GPRASP3: variants seen among roughly 807,000 people sequenced by gnomAD.
GPRASP3 encodes G protein-coupled receptor associated sorting protein 3.
chrX:102,742,326 G>T, the GPRASP3 span, among the ~76,000 whole-genome samples: 8 of 110,700 alleles, frequency 7.2e-5, no homozygotes, highest in African/African-American at 9.9e-5. Context: ...CCAGTCGGGG[G>T]CGGGGTCGGG....
At chrX:102,731,171 T>C in the GPRASP3 span, among the ~76,000 whole-genome samples, 1 of 112,821 alleles carries the variant, frequency 8.9e-6, no homozygotes, top group African/African-American at 3.2e-5. Context: ...TACACCTAAG[T>C]GTTACCACTG....
the GPRASP3 span, among the ~76,000 whole-genome samples, chrX:102,735,403 CTTTTTTT>C: frequency 9.5e-5 from 9 of 94,493 alleles, no homozygotes; most frequent in African/African-American, 2.8e-4. Context: ...CACAGAATCT[CTTTTTTT>C]TTTTTTTTTT....
At chrX:102,747,922 G>A in the GPRASP3 span, 3 of 111,972 alleles carry the variant, frequency 2.7e-5, no homozygotes, top group Non-Finnish European at 3.8e-5. Context: ...GTAGGTTTAT[G>A]TGTGAGCACC....
the GPRASP3 span, among the ~76,000 whole-genome samples, chrX:102,732,826 C>T: frequency 9.0e-6 from 1 of 111,646 alleles, no homozygotes; most frequent in Non-Finnish European, 1.9e-5. Flanking sequence ...ACTGAGCTCA[C>T]CCATGGGTTT....
chrX:102,732,104 G>T, the GPRASP3 span, among the ~76,000 whole-genome samples: 1 of 111,590 alleles, frequency 9.0e-6, no homozygotes, highest in African/African-American at 3.3e-5. Flanking sequence ...CTAGTGGGTG[G>T]GGGGAGAGCC....
chrX:102,747,008 G>A, the GPRASP3 span, among the ~76,000 whole-genome samples: 1 of 111,833 alleles, frequency 8.9e-6, no homozygotes, highest in African/African-American at 3.3e-5. Context: ...TGTGGGTTCC[G>A]AGTAGAGGGG....
At chrX:102,750,734 G>A in the GPRASP3 span, 1 of 708,881 alleles carries the variant, frequency 1.4e-6, no homozygotes, top group Non-Finnish European at 2.0e-6. Context: ...TTAACACAGA[G>A]TCACCTGTGA....
the GPRASP3 span, among the ~76,000 whole-genome samples, chrX:102,746,976 GTAA>G: frequency 2.7e-5 from 3 of 112,028 alleles, no homozygotes; most frequent in African/African-American, 6.5e-5. Context: ...TCCACTTTAA[GTAA>G]TGTAATGATG....
chrX:102,749,744 C>T, the GPRASP3 span: 5 of 1,211,762 alleles, frequency 4.1e-6, no homozygotes, highest in Non-Finnish European at 5.6e-6. Context: ...ATTGTTCTGG[C>T]CTCCGCTGAA....
At chrX:102,722,263 G>C in the GPRASP3 span, among the ~76,000 whole-genome samples, 2 of 111,328 alleles carry the variant, frequency 1.8e-5, no homozygotes, top group Non-Finnish European at 3.8e-5. Context: ...AGGGCCCACA[G>C]AACTCAGGGA....
At chrX:102,753,073 A>G in the GPRASP3 span, 1 of 122,280 alleles carries the variant, frequency 8.2e-6, no homozygotes, top group Non-Finnish European at 1.9e-5. Context: ...GTGAGCCACC[A>G]TGCCCAGCCT....
the GPRASP3 span, among the ~76,000 whole-genome samples, chrX:102,733,624 G>T: frequency 9.3e-6 from 1 of 107,201 alleles, no homozygotes; most frequent in African/African-American, 3.3e-5. Flanking sequence ...AAAAACAAAG[G>T]ATCAGCAACA....
chrX:102,724,803 A>C, the GPRASP3 span, among the ~76,000 whole-genome samples: 6 of 108,708 alleles, frequency 5.5e-5, no homozygotes, highest in African/African-American at 1.7e-4. Flanking sequence ...AGCGGGTAGA[A>C]TCCTTCCTCA....
chrX:102,726,190 G>A, the GPRASP3 span, among the ~76,000 whole-genome samples: 1 of 111,957 alleles, frequency 8.9e-6, no homozygotes, highest in African/African-American at 3.2e-5. Flanking sequence ...GGAAGCTGAG[G>A]CACACATTGG....
At chrX:102,746,843 T>A in the GPRASP3 span, among the ~76,000 whole-genome samples, 2 of 112,666 alleles carry the variant, frequency 1.8e-5, no homozygotes, top group African/African-American at 6.4e-5. Flanking sequence ...GATCCCCACA[T>A]CCAGTTTTGT....
At chrX:102,736,637 C>A in the GPRASP3 span, among the ~76,000 whole-genome samples, 2 of 111,230 alleles carry the variant, frequency 1.8e-5, no homozygotes, top group Non-Finnish European at 3.8e-5. Context: ...TTTTACCATA[C>A]ATTTCATTGC....
chrX:102,722,051 T>C, the GPRASP3 span, among the ~76,000 whole-genome samples: 2 of 111,896 alleles, frequency 1.8e-5, no homozygotes, highest in Non-Finnish European at 3.8e-5. Context: ...AGCTAGGTAT[T>C]CTACAATTTA....
At chrX:102,732,771 G>C in the GPRASP3 span, among the ~76,000 whole-genome samples, 13 of 111,795 alleles carry the variant, frequency 1.2e-4, no homozygotes, top group Admixed American at 1.1e-3. Context: ...AATTTGCTTT[G>C]ATGGAACTCT....
At chrX:102,730,541 A>G in the GPRASP3 span, among the ~76,000 whole-genome samples, 1 of 112,568 alleles carries the variant, frequency 8.9e-6, no homozygotes, top group East Asian at 2.8e-4. Context: ...ACATTCCCAG[A>G]AGAAAAGAGC....
Sources: allele counts gnomAD v4.1 joint callset (sites outside exome capture counted in the v4.1 genomes callset), GRCh38; gene constraint gnomAD v4.1.1; transcripts MANE v1.5; gene names NCBI Gene and HGNC (gene_info 2026-07-23, HGNC 2026-07-21).